The following NUDCD1 variants were observed in gnomAD, a reference collection of about 807,000 sequenced individuals.
NUDCD1 encodes the protein NudC domain containing 1, also known as nudC domain-containing protein 1.
NUDCD1 carries 60 observed loss-of-function variants against 67.8 expected under a neutral mutation model. The ratio of observed to expected loss-of-function variants is 0.88; its 90% CI spans 0.72 to 1.10. NUDCD1 has a LOEUF of 1.10. Ranked by LOEUF, NUDCD1 falls within the 50% of genes least tolerant of loss-of-function variation. The pLI, the probability that NUDCD1 is intolerant of heterozygous loss-of-function variation, is 0.00. For synonymous variants in NUDCD1, 244 were observed against 230.8 expected (o/e 1.06, Z -0.52); for missense variants, 643 against 695.0 (o/e 0.93, Z 0.84).
intron 5 of NUDCD1, among the ~76,000 whole-genome samples, chr8:109,286,044 A>G (rs1258644022): frequency 6.6e-6 from 1 of 152,010 alleles, no homozygotes; most frequent in Non-Finnish European, 1.5e-5. Context: ...AATCCCATTT[A>G]CTGTAGCTGC....
At chr8:109,247,861 C>T (rs552305633) in intron 8 of NUDCD1, among the ~76,000 whole-genome samples, 126 of 152,236 alleles carry the variant, frequency 8.3e-4, no homozygotes, top group African/African-American at 3.0e-3. Context: ...AATATTTTTA[C>T]ATACCACCTG....
At chr8:109,264,298 G>C (rs930775846) in intron 8 of NUDCD1, among the ~76,000 whole-genome samples, 1 of 152,110 alleles carries the variant, frequency 6.6e-6, no homozygotes, top group Non-Finnish European at 1.5e-5. Context: ...AAAAGTATTT[G>C]TTGCCAAAGA....
chr8:109,289,316 A>G (rs1257172238), intron 5 of NUDCD1, among the ~76,000 whole-genome samples: 1 of 152,082 alleles, frequency 6.6e-6, no homozygotes, highest in African/African-American at 2.4e-5. Flanking sequence ...CATTCATTCA[A>G]CATTAATAAA....
intron 7 of NUDCD1, among the ~76,000 whole-genome samples, chr8:109,274,005 A>G (rs1459769372): frequency 6.6e-6 from 1 of 152,178 alleles, no homozygotes; most frequent in African/African-American, 2.4e-5. Flanking sequence ...CCAATGCAGA[A>G]AATTCTATAA....
intron 8 of NUDCD1, among the ~76,000 whole-genome samples, chr8:109,267,641 C>G (rs181071024): frequency 6.6e-6 from 1 of 152,236 alleles, no homozygotes; most frequent in Non-Finnish European, 1.5e-5. Flanking sequence ...AGATAAGAAT[C>G]TTTAGTTTTA....
chr8:109,252,823 G>A (rs1813651842), intron 8 of NUDCD1, among the ~76,000 whole-genome samples: 2 of 152,130 alleles, frequency 1.3e-5, no homozygotes, highest in Non-Finnish European at 2.9e-5. Flanking sequence ...AAAAAGTTAT[G>A]ATTCCATAAA....
intron 2 of NUDCD1, among the ~76,000 whole-genome samples, chr8:109,299,645 A>AC (rs1164432956): frequency 2.0e-5 from 3 of 151,892 alleles, no homozygotes; most frequent in African/African-American, 7.3e-5. Flanking sequence ...CCCTGCCCCC[A>AC]CCCAATGGTC....
chr8:109,299,641 C>T (rs1422998114), intron 2 of NUDCD1, among the ~76,000 whole-genome samples: 1 of 152,110 alleles, frequency 6.6e-6, no homozygotes, highest in African/African-American at 2.4e-5. Context: ...CTAGCCCTGC[C>T]CCCACCCAAT....
At chr8:109,308,709 C>T (rs1012639456) in intron 2 of NUDCD1, among the ~76,000 whole-genome samples, 15 of 151,912 alleles carry the variant, frequency 9.9e-5, no homozygotes, top group African/African-American at 1.9e-4. Context: ...CGGTGGCTCA[C>T]GCCTGTAATC....
chr8:109,327,798 C>T (rs1815713395), intron 1 of NUDCD1, among the ~76,000 whole-genome samples: 1 of 152,074 alleles, frequency 6.6e-6, no homozygotes. Context: ...TGAAACTTCC[C>T]CACTCGCAAA....
In NUDCD1 at chr8:109,290,808, A is replaced by G. The variant is rs544215704; in HGVS notation, c.641-875T>C. Among the ~76,000 whole-genome samples the G allele has an allele frequency of 2.0e-5, 3 of 152,304 alleles. No individual in the cohort carries two copies. In the East Asian group the frequency reaches 5.8e-4, roughly 29 times the overall value. On this transcript the variant is annotated intron_variant, in intron 4 of 9. Transcript: ENST00000239690. ...TTGTAGGCTTCATACTGAGTAGTCGAAAATCACAACTTAATGTCATATTAT... is the reference window on the plus strand; with the variant it reads ...TTGTAGGCTTCATACTGAGTAGTCGGAAATCACAACTTAATGTCATATTAT...
intron 9 of NUDCD1, among the ~76,000 whole-genome samples, chr8:109,244,131 A>G (rs1813442667): frequency 6.6e-6 from 1 of 152,234 alleles, no homozygotes; most frequent in South Asian, 2.1e-4. Context: ...AACAATGAAT[A>G]AGCAAAGGAA....
chr8:109,247,454 C>A (rs1445153491), intron 8 of NUDCD1, among the ~76,000 whole-genome samples: 1 of 152,068 alleles, frequency 6.6e-6, no homozygotes, highest in Non-Finnish European at 1.5e-5. Context: ...TGAAAGGTGA[C>A]CACCAAGGGA....
chr8:109,264,769 A>T (rs1385464182), intron 8 of NUDCD1, among the ~76,000 whole-genome samples: 3 of 152,126 alleles, frequency 2.0e-5, no homozygotes, highest in African/African-American at 4.8e-5. Context: ...GATTGAATGC[A>T]GAAGCAGATA....
At chr8:109,252,991 A>T (rs1326388518) in intron 8 of NUDCD1, among the ~76,000 whole-genome samples, 1 of 152,216 alleles carries the variant, frequency 6.6e-6, no homozygotes, top group Non-Finnish European at 1.5e-5. Context: ...TTCAATATCT[A>T]CAAGAGGTTC....
intron 3 of NUDCD1, among the ~76,000 whole-genome samples, chr8:109,295,769 A>G (rs1814828778): frequency 6.6e-6 from 1 of 152,142 alleles, no homozygotes; most frequent in Non-Finnish European, 1.5e-5. Flanking sequence ...GCAGTAAACT[A>G]AATCTTTTGA....
At chr8:109,290,053 C>T (rs1814674534) in intron 4 of NUDCD1, 120 bp from the exon 5 acceptor site, 1 of 512,318 alleles carries the variant, frequency 2.0e-6, no homozygotes, top group Non-Finnish European at 3.3e-6. Context: ...TTAAAAGGTA[C>T]ACTATTAAGA....
At chr8:109,309,617 A>G (rs1815194077) in intron 2 of NUDCD1, among the ~76,000 whole-genome samples, 1 of 152,148 alleles carries the variant, frequency 6.6e-6, no homozygotes, top group African/African-American at 2.4e-5. Context: ...CAGAGCAATC[A>G]AAGAGAAAGA....
At chr8:109,288,065 CAG>C (rs1266178933) in intron 5 of NUDCD1, among the ~76,000 whole-genome samples, 1 of 152,100 alleles carries the variant, frequency 6.6e-6, no homozygotes, top group African/African-American at 2.4e-5. Context: ...TATTAATATT[CAG>C]AAAGTATTAC....
Sources: allele counts gnomAD v4.1 joint callset (sites outside exome capture counted in the v4.1 genomes callset), GRCh38; gene constraint gnomAD v4.1.1; transcripts MANE v1.5; gene names NCBI Gene and HGNC (gene_info 2026-07-23, HGNC 2026-07-21).